The following CFAP61 variants were observed in gnomAD, a reference collection of about 807,000 sequenced individuals.
The protein encoded by CFAP61 is cilia- and flagella-associated protein 61.
Under a neutral mutation model 135.6 loss-of-function variants are expected in CFAP61, and 107 were observed. That is an observed-to-expected ratio of 0.79 (90% CI 0.67 to 0.93). The LOEUF is 0.93. CFAP61 is among the 40% of genes least tolerant of loss of function. The pLI, the probability that CFAP61 is intolerant of heterozygous loss-of-function variation, is 0.00. For missense variants in CFAP61, 1,507 were observed against 1,556.2 expected, an observed-to-expected ratio of 0.97 and a Z score of 0.53; for synonymous variants, 575 against 578.5, an observed-to-expected ratio of 0.99 and a Z score of 0.09.
At chr20:20,233,327 G>A (rs1268767907) in intron 18 of CFAP61, among the ~76,000 whole-genome samples, 1 of 152,228 alleles carries the variant, frequency 6.6e-6, no homozygotes. Context: ...CAATGGACAG[G>A]TTTGTGATTG....
intron 9 of CFAP61, among the ~76,000 whole-genome samples, chr20:20,154,011 C>G (rs1352313631): frequency 6.6e-6 from 1 of 151,982 alleles, no homozygotes; most frequent in South Asian, 2.1e-4. Flanking sequence ...GATAATACAC[C>G]ATGATCAAGT....
At chr20:20,329,520 C>T (rs908690836) in intron 25 of CFAP61, among the ~76,000 whole-genome samples, 8 of 152,162 alleles carry the variant, frequency 5.3e-5, no homozygotes, top group African/African-American at 1.9e-4. Flanking sequence ...CCTTTGCTTC[C>T]GGCCATACCC....
chr20:20,259,137 GAAA>G (rs1046604092), intron 20 of CFAP61, among the ~76,000 whole-genome samples: 1 of 150,562 alleles, frequency 6.6e-6, no homozygotes, highest in African/African-American at 2.4e-5. Context: ...AGTTCAAAAA[GAAA>G]AAGTTTATTT....
At chr20:20,143,572 A>G (rs1332335359) in intron 9 of CFAP61, among the ~76,000 whole-genome samples, 2 of 152,206 alleles carry the variant, frequency 1.3e-5, no homozygotes, top group African/African-American at 4.8e-5. Flanking sequence ...AAGTGTGGCT[A>G]AAATATAGAA....
chr20:20,346,362 C>CA (rs1457236533), intron 26 of CFAP61, among the ~76,000 whole-genome samples: 1 of 150,522 alleles, frequency 6.6e-6, no homozygotes, highest in African/African-American at 2.4e-5. Flanking sequence ...ACTAAAAATA[C>CA]AAAAAACTAG....
intron 16 of CFAP61, 54 bp downstream of exon 16, chr20:20,196,830 T>C (rs2056327081): frequency 4.1e-6 from 6 of 1,481,422 alleles, no homozygotes; most frequent in Non-Finnish European, 5.7e-6. Flanking sequence ...ACAGTGTTGT[T>C]GGTGTTGTAC....
At chr20:20,356,411 C>CTG (rs1433643262) in intron 26 of CFAP61, among the ~76,000 whole-genome samples, 12 of 148,860 alleles carry the variant, frequency 8.1e-5, no homozygotes, top group African/African-American at 1.0e-4. Flanking sequence ...GGTGGTCACA[C>CTG]TGAGGGGAGG....
At chr20:20,083,399 T>G (rs1409604112) in intron 6 of CFAP61, among the ~76,000 whole-genome samples, 1 of 152,092 alleles carries the variant, frequency 6.6e-6, no homozygotes, top group African/African-American at 2.4e-5. Context: ...CAGTGTACAC[T>G]GCTCAGGTGA....
At position 20,196,644 on chromosome 20, in the gene CFAP61, C is replaced by T. The variant is rs148749465; in HGVS notation, c.1665C>T (p.His555=). Residue 555 remains histidine (H), a synonymous_variant, in exon 16 of 27, where the codon CAC becomes CAT. Coordinates refer to ENST00000245957, the MANE Select transcript of CFAP61 (RefSeq NM_015585.4). The part of the protein sequence containing the change: ...IYFSHHQREE[H]GHMHHFALNP... ...TCAGTCACCACCAGCGCGAAGAACA[C>T]GGGCACATGCATCACTTTGCCCTCA... 3.5e-4 allele frequency: 564 copies of T among 1,613,966 alleles called. No homozygotes were observed. Among genetic ancestry groups the T allele is most frequent in the Non-Finnish European group, 4.5e-4 (531 of 1,179,964 alleles).
At chr20:20,348,285 T>C (rs2058702960) in intron 26 of CFAP61, among the ~76,000 whole-genome samples, 1 of 152,042 alleles carries the variant, frequency 6.6e-6, no homozygotes, top group African/African-American at 2.4e-5. Flanking sequence ...GCAAGCCAAA[T>C]CCAGCAGCAT....
chr20:20,269,190 T>G (rs868782811), intron 21 of CFAP61, among the ~76,000 whole-genome samples: 1 of 92,854 alleles, frequency 1.1e-5, no homozygotes, highest in Non-Finnish European at 2.4e-5. Flanking sequence ...TACACACACA[T>G]ATATACATAT....
At chr20:20,342,002 C>T in intron 26 of CFAP61, 81 bp downstream of exon 26, 1 of 911,640 alleles carries the variant, frequency 1.1e-6, no homozygotes, top group Non-Finnish European at 1.7e-6. Context: ...AGACTTTTCC[C>T]TACATTCCCA....
At chr20:20,187,092 G>A (rs1158374398) in intron 13 of CFAP61, among the ~76,000 whole-genome samples, 2 of 152,130 alleles carry the variant, frequency 1.3e-5, no homozygotes, top group African/African-American at 2.4e-5. Context: ...GTTGCTAGCC[G>A]AACACGCCAT....
At chr20:20,144,907 C>G (rs1411799498) in intron 9 of CFAP61, among the ~76,000 whole-genome samples, 10 of 152,046 alleles carry the variant, frequency 6.6e-5, no homozygotes, top group Non-Finnish European at 1.0e-4. Flanking sequence ...ATAAACTCCA[C>G]CCTAGAATTT....
At chr20:20,069,952 T>A in intron 2 of CFAP61, 1 of 268,926 alleles carries the variant, frequency 3.7e-6, no homozygotes, top group Non-Finnish European at 7.6e-6. Flanking sequence ...TATTTCTTCC[T>A]CCAACTTAAG....
chr20:20,349,833 C>A (rs1160675768), intron 26 of CFAP61, among the ~76,000 whole-genome samples: 2 of 152,116 alleles, frequency 1.3e-5, no homozygotes, highest in African/African-American at 4.8e-5. Flanking sequence ...AAACAATCTA[C>A]AATTCAGTAC....
At chr20:20,173,860 A>G (rs2054407640) in intron 13 of CFAP61, among the ~76,000 whole-genome samples, 1 of 152,202 alleles carries the variant, frequency 6.6e-6, no homozygotes, top group African/African-American at 2.4e-5. Context: ...TAGGAAGGAG[A>G]CATCGATCTG....
chr20:20,155,661 C>T (rs980879666), intron 9 of CFAP61, among the ~76,000 whole-genome samples: 6 of 151,818 alleles, frequency 4.0e-5, no homozygotes, highest in Non-Finnish European at 8.8e-5. Flanking sequence ...AACAAACATA[C>T]GAAAAAATGC....
intron 25 of CFAP61, among the ~76,000 whole-genome samples, chr20:20,333,919 C>T (rs184061590): frequency 6.6e-6 from 1 of 152,244 alleles, no homozygotes; most frequent in East Asian, 1.9e-4. Context: ...GGTCGTGGGG[C>T]CTGTGGGCTG....
Sources: allele counts gnomAD v4.1 joint callset (sites outside exome capture counted in the v4.1 genomes callset), GRCh38; gene constraint gnomAD v4.1.1; transcripts MANE v1.5; gene names NCBI Gene and HGNC (gene_info 2026-07-23, HGNC 2026-07-21).